The following PRKG1 variants were observed in gnomAD, a reference collection of about 807,000 sequenced individuals.
PRKG1 encodes protein kinase cGMP-dependent 1.
Under a neutral mutation model 88.1 loss-of-function variants are expected in PRKG1, and 35 were observed. That is an observed-to-expected ratio of 0.40 (90% CI 0.30 to 0.53). The LOEUF is 0.53. Ranked by LOEUF, PRKG1 falls within the 20% of genes least tolerant of loss-of-function variation. PRKG1 has a pLI of 0.59. For missense variants in PRKG1, 540 were observed against 839.8 expected (o/e 0.64, Z 4.41); for synonymous variants, 303 against 292.5 (o/e 1.04, Z -0.37).
At chr10:51,658,474 A>G (rs1029718453) in intron 3 of PRKG1, among the ~76,000 whole-genome samples, 1 of 152,074 alleles carries the variant, frequency 6.6e-6, no homozygotes, top group Non-Finnish European at 1.5e-5. Flanking sequence ...GGTGACATGA[A>G]AAGTAGCCCA....
At chr10:51,756,933 G>A (rs1487934985) in intron 3 of PRKG1, among the ~76,000 whole-genome samples, 1 of 152,060 alleles carries the variant, frequency 6.6e-6, no homozygotes, top group African/African-American at 2.4e-5. Context: ...TGTTATATGT[G>A]GTGAAGCTTG....
chr10:51,038,167 C>T (rs961898184), intron 1 of PRKG1, among the ~76,000 whole-genome samples: 3 of 152,140 alleles, frequency 2.0e-5, no homozygotes, highest in African/African-American at 4.8e-5. Context: ...TTACTCTACA[C>T]ATTGCGCAAA....
At chr10:51,355,104 T>C (rs143725255) in intron 2 of PRKG1, among the ~76,000 whole-genome samples, 4 of 152,208 alleles carry the variant, frequency 2.6e-5, no homozygotes, top group African/African-American at 9.6e-5. Context: ...CAACATGGGA[T>C]TGTTTAATCA....
At chr10:51,654,896 G>C (rs577856707) in intron 3 of PRKG1, among the ~76,000 whole-genome samples, 14 of 152,024 alleles carry the variant, frequency 9.2e-5, no homozygotes, top group Non-Finnish European at 1.9e-4. Flanking sequence ...CCTCCTACTG[G>C]GTGCATGTCT....
At position 52,054,679 on chromosome 10, in the gene PRKG1, A is replaced by G. The variant is rs139131428; in HGVS notation, c.840+118A>G. The G allele has an allele frequency of 5.5e-4, 451 of 814,410 alleles. No individual in the cohort carries two copies. In the African/African-American group the frequency reaches 6.9e-3, roughly 12 times the overall value. 50.4% of individuals were successfully genotyped at this position (814,410 alleles called of 1,614,324 possible). ...ATGAGTTTGTTCCATTTTTTGACAC[A>G]GAGAGGTATTAGAGAATGGATCTTA... On this transcript the variant is annotated intron_variant, in intron 6 of 17. Transcript: ENST00000373980.
intron 1 of PRKG1, among the ~76,000 whole-genome samples, chr10:51,114,688 A>G (rs904433469): frequency 6.6e-6 from 1 of 152,108 alleles, no homozygotes; most frequent in African/African-American, 2.4e-5. Flanking sequence ...TTTCCTGAGG[A>G]TAGAGGAGGA....
At chr10:52,104,247 AAAGT>A (rs1564470350) in intron 7 of PRKG1, among the ~76,000 whole-genome samples, 1 of 151,926 alleles carries the variant, frequency 6.6e-6, no homozygotes, top group African/African-American at 2.4e-5. Flanking sequence ...GGATTTCAAT[AAAGT>A]AATAGATAAA....
intron 3 of PRKG1, among the ~76,000 whole-genome samples, chr10:51,543,368 GT>G (rs1344461745): frequency 2.0e-5 from 3 of 152,208 alleles, no homozygotes; most frequent in Non-Finnish European, 4.4e-5. Context: ...GAAATGTCTG[GT>G]TAACAGCATA....
At position 51,979,471 on chromosome 10, in the gene PRKG1, C is replaced by T. The variant is rs111447842; in HGVS notation, c.762+71901C>T. 5.3e-3 allele frequency among the ~76,000 whole-genome samples: 604 copies of T among 113,968 alleles called. 4 individuals are homozygous for T. Among genetic ancestry groups the T allele is most frequent in the African/African-American group, 0.019 (573 of 30,746 alleles). 74.8% of individuals were successfully genotyped at this position (113,968 alleles called of 152,430 possible). On this transcript the variant is annotated intron_variant, in intron 5 of 17. Transcript: ENST00000373980. ...CTGCCAGGTTTTGGTATCAGGATGA[C>T]GCTGGCCTCATAGAATGAGTTAGGG...
At chr10:52,171,493 G>A (rs964196516) in intron 9 of PRKG1, among the ~76,000 whole-genome samples, 4 of 152,124 alleles carry the variant, frequency 2.6e-5, no homozygotes, top group South Asian at 2.1e-4. Flanking sequence ...TATAGGGGAC[G>A]AAAATATTTC....
rs114105077 is a variant in PRKG1, at chr10:51,751,944, A to G, written c.593-52641A>G. On this transcript the variant is annotated intron_variant, in intron 3 of 17. Transcript: ENST00000373980. ...ATACTTGGATAATAAACAAATAGTC[A>G]GTGCATATACATTTTATCTTTTACG... 3.0e-3 allele frequency among the ~76,000 whole-genome samples: 459 copies of G among 152,334 alleles called. 3 individuals carry two copies. The highest frequency in any genetic ancestry group is 0.01 in the African/African-American group (430 of 41,574).
At chr10:51,604,011 A>ATATAT (rs1201483120) in intron 3 of PRKG1, among the ~76,000 whole-genome samples, 16 of 151,500 alleles carry the variant, frequency 1.1e-4, no homozygotes, top group Admixed American at 1.1e-3. Flanking sequence ...ATAAGACTTT[A>ATATAT]TATATTTTAT....
At chr10:51,057,568 C>A (rs1189243345) in intron 1 of PRKG1, among the ~76,000 whole-genome samples, 2 of 152,150 alleles carry the variant, frequency 1.3e-5, no homozygotes, top group Non-Finnish European at 2.9e-5. Flanking sequence ...AATCACCAGA[C>A]CCACTTTTTT....
At position 52,148,957 on chromosome 10, in the gene PRKG1, C is replaced by CTTTT. The variant is rs71904885; in HGVS notation, c.1002-12909_1002-12906dup. On this transcript the variant is annotated intron_variant, in intron 8 of 17. Coordinates refer to ENST00000373980, the MANE Select transcript of PRKG1 (RefSeq NM_006258.4). ...TATTTGACCACAGAGGATAGTTTTGCTTTTTTTTTTTTTTTTTTTTTTTTT... is the reference window on the plus strand; with the variant it reads ...TATTTGACCACAGAGGATAGTTTTGCTTTTTTTTTTTTTTTTTTTTTTTTTTTTT... Among the ~76,000 whole-genome samples, 136 of 55,162 alleles carry CTTTT rather than the reference C, an allele frequency of 2.5e-3. 12 individuals carry two copies. The highest frequency in any genetic ancestry group is 9.6e-3 in the African/African-American group (128 of 13,338). 36.2% of individuals were successfully genotyped at this position (55,162 alleles called of 152,430 possible).
intron 2 of PRKG1, among the ~76,000 whole-genome samples, chr10:51,245,969 G>A (rs1231490343): frequency 6.6e-6 from 1 of 152,094 alleles, no homozygotes. Context: ...AATGGCTTGA[G>A]CAAATAATTC....
chr10:51,436,920 G>C (rs925076878), intron 2 of PRKG1, among the ~76,000 whole-genome samples: 1 of 152,010 alleles, frequency 6.6e-6, no homozygotes, highest in Non-Finnish European at 1.5e-5. Context: ...TGACTTGCCA[G>C]AGGTTGCCCC....
chr10:52,280,806 C>G lies in PRKG1; in HGVS notation c.1421C>G (p.Ser474Cys), dbSNP rs1208403855. ...CACCTCAGAGGTTCGTTTGAAGATT[C>G]TACAACCAGATTTTACACAGCATGT... ...ILRDRGSFED[S>C]TTRFYTACVV... Residue 474 changes from serine to cysteine, a missense_variant, in exon 13 of 18, where the codon TCT (serine) becomes TGT (cysteine). Physicochemically the swap from Ser to Cys is moderately radical, Grantham distance 112 (BLOSUM62 -1). Around this residue, in one of 5 missense-constraint regions of PRKG1, gnomAD observed 400 missense variants for 562.7 expected, o/e 0.71. Coordinates refer to ENST00000373980, the MANE Select transcript of PRKG1 (RefSeq NM_006258.4). 6.2e-7 allele frequency: 1 copy of G among 1,612,982 alleles called. No individual in the cohort carries two copies.
intron 2 of PRKG1, among the ~76,000 whole-genome samples, chr10:51,256,421 CAT>C (rs1839561853): frequency 6.6e-6 from 1 of 152,000 alleles, no homozygotes; most frequent in African/African-American, 2.4e-5. Flanking sequence ...TTCTAGGTAA[CAT>C]GTAGACATGG....
chr10:51,508,264 A>G (rs545583191), intron 3 of PRKG1, among the ~76,000 whole-genome samples: 19 of 152,320 alleles, frequency 1.2e-4, no homozygotes, highest in African/African-American at 4.6e-4. Flanking sequence ...TGCAATTGCC[A>G]CACAATATAC....
Sources: allele counts gnomAD v4.1 joint callset (sites outside exome capture counted in the v4.1 genomes callset), GRCh38; gene constraint gnomAD v4.1.1; regional missense constraint gnomAD v4.1.1; transcripts MANE v1.5; gene names NCBI Gene and HGNC (gene_info 2026-07-23, HGNC 2026-07-21).